Variants in SEMA3E observed in about 807,000 individuals in gnomAD.
SEMA3E encodes the protein semaphorin 3E.
A neutral mutation model predicts 93.6 loss-of-function variants in SEMA3E; 49 were observed. That is an observed-to-expected ratio of 0.52 (90% CI 0.42 to 0.66). The LOEUF (loss-of-function observed/expected upper bound fraction) is 0.66, where lower values mean the gene tolerates loss of function less well. Ranked by LOEUF, SEMA3E falls within the 30% of genes least tolerant of loss-of-function variation. The pLI is 0.00. For synonymous variants in SEMA3E, 363 were observed against 330.7 expected, an observed-to-expected ratio of 1.10 and a Z score of -1.06; for missense variants, 906 against 964.8, an observed-to-expected ratio of 0.94 and a Z score of 0.81.
chr7:83,416,367 T>G (rs1033741469), intron 5 of SEMA3E, among the ~76,000 whole-genome samples: 1 of 152,064 alleles, frequency 6.6e-6, no homozygotes, highest in African/African-American at 2.4e-5. Context: ...GAAACTCACT[T>G]AGAAATGTCC....
chr7:83,425,796 T>A (rs1300060199), intron 4 of SEMA3E, among the ~76,000 whole-genome samples: 1 of 152,118 alleles, frequency 6.6e-6, no homozygotes, highest in Non-Finnish European at 1.5e-5. Flanking sequence ...CAACAGAGTA[T>A]GGACAACCTG....
chr7:83,414,817 T>C (rs1272067760), intron 5 of SEMA3E, among the ~76,000 whole-genome samples: 2 of 152,054 alleles, frequency 1.3e-5, no homozygotes, highest in Non-Finnish European at 2.9e-5. Flanking sequence ...ACATGTGTCT[T>C]ATCATACCTT....
At chr7:83,575,332 T>C (rs1733344037) in intron 1 of SEMA3E, among the ~76,000 whole-genome samples, 1 of 151,568 alleles carries the variant, frequency 6.6e-6, no homozygotes, top group Non-Finnish European at 1.5e-5. Flanking sequence ...AATTAAAGAT[T>C]AGGCATTATA....
intron 4 of SEMA3E, among the ~76,000 whole-genome samples, chr7:83,444,762 C>G (rs992058164): frequency 2.6e-5 from 4 of 151,164 alleles, no homozygotes; most frequent in Admixed American, 2.6e-4. Context: ...ACTCCGCCTC[C>G]GGGGTTCAAG....
chr7:83,508,966 G>T (rs991405930), intron 1 of SEMA3E, among the ~76,000 whole-genome samples: 4 of 152,238 alleles, frequency 2.6e-5, no homozygotes, highest in African/African-American at 9.6e-5. Flanking sequence ...GTTTTCAGTA[G>T]GGTTTAATCT....
chr7:83,551,979 T>C (rs991126422), intron 1 of SEMA3E, among the ~76,000 whole-genome samples: 22 of 152,300 alleles, frequency 1.4e-4, no homozygotes, highest in Admixed American at 1.4e-3. Flanking sequence ...TTAGACATAT[T>C]TTTAATTGTC....
chr7:83,454,269 A>AT (rs1562789402), intron 4 of SEMA3E, among the ~76,000 whole-genome samples: 16 of 102,672 alleles, frequency 1.6e-4, no homozygotes, highest in African/African-American at 6.1e-4. Context: ...AAAAAAAAAA[A>AT]AAAATATATA....
intron 1 of SEMA3E, among the ~76,000 whole-genome samples, chr7:83,536,027 T>C (rs891581767): frequency 6.6e-6 from 1 of 152,178 alleles, no homozygotes; most frequent in Non-Finnish European, 1.5e-5. Context: ...TATACACCAA[T>C]GATGGAATCT....
At chr7:83,413,615 G>A (rs113207638) in intron 5 of SEMA3E, among the ~76,000 whole-genome samples, 8 of 152,262 alleles carry the variant, frequency 5.3e-5, no homozygotes, top group African/African-American at 1.9e-4. Context: ...ATTCTGCTTA[G>A]GATGCTGAAA....
intron 1 of SEMA3E, among the ~76,000 whole-genome samples, chr7:83,517,401 AG>A (rs1270308178): frequency 6.6e-6 from 1 of 152,176 alleles, no homozygotes; most frequent in Non-Finnish European, 1.5e-5. Flanking sequence ...GGAGAAGAAA[AG>A]GTATTCACAT....
At chr7:83,609,125 T>A (rs1793192534) in intron 1 of SEMA3E, among the ~76,000 whole-genome samples, 1 of 152,108 alleles carries the variant, frequency 6.6e-6, no homozygotes, top group Non-Finnish European at 1.5e-5. Flanking sequence ...AATAATGTTT[T>A]AACCTCTACT....
intron 16 of SEMA3E, among the ~76,000 whole-genome samples, chr7:83,377,655 A>C (rs1047379983): frequency 6.6e-6 from 1 of 152,036 alleles, no homozygotes; most frequent in Non-Finnish European, 1.5e-5. Context: ...AAGACAGAAC[A>C]TTTAAAATGT....
At chr7:83,425,545 ATCAT>A (rs1385088507) in intron 4 of SEMA3E, among the ~76,000 whole-genome samples, 2 of 152,202 alleles carry the variant, frequency 1.3e-5, no homozygotes, top group African/African-American at 4.8e-5. Flanking sequence ...CTGGTTAAAA[ATCAT>A]TCATTGACTA....
At chr7:83,566,498 T>C (rs998624576) in intron 1 of SEMA3E, among the ~76,000 whole-genome samples, 3 of 152,188 alleles carry the variant, frequency 2.0e-5, no homozygotes, top group African/African-American at 7.2e-5. Flanking sequence ...CAATTTTTAA[T>C]ATGACCTAAT....
chr7:83,395,346 G>A (rs1465588282), intron 12 of SEMA3E, among the ~76,000 whole-genome samples: 1 of 152,144 alleles, frequency 6.6e-6, no homozygotes, highest in East Asian at 1.9e-4. Flanking sequence ...AAGGCAAAAT[G>A]TACTGCTTCT....
At chr7:83,373,012 A>C (rs753945798) in intron 16 of SEMA3E, 3 of 152,134 alleles carry the variant, frequency 2.0e-5, no homozygotes, top group Non-Finnish European at 4.4e-5. Context: ...TTTCTCTGTC[A>C]AGAAGATAGT....
At chr7:83,475,465 T>C (rs1427272376) in intron 2 of SEMA3E, among the ~76,000 whole-genome samples, 4 of 152,144 alleles carry the variant, frequency 2.6e-5, no homozygotes. Flanking sequence ...GATCTCCCCC[T>C]AGACAAAGTT....
At chr7:83,413,749 G>A (rs1562771227) in intron 5 of SEMA3E, among the ~76,000 whole-genome samples, 1 of 151,986 alleles carries the variant, frequency 6.6e-6, no homozygotes. Context: ...TTAAGAAGGT[G>A]GTTTTGAGGC....
chr7:83,412,112 T>C (rs1788449437), intron 5 of SEMA3E, among the ~76,000 whole-genome samples: 1 of 152,184 alleles, frequency 6.6e-6, no homozygotes, highest in Non-Finnish European at 1.5e-5. Context: ...TTATGTTCTC[T>C]CTGCTCTTTG....
Sources: gnomAD v4.1 joint callset for allele counts (sites outside exome capture counted in the v4.1 genomes callset) on GRCh38, gnomAD v4.1.1 for gene constraint, MANE v1.5 for transcripts, NCBI Gene and HGNC (gene_info 2026-07-23, HGNC 2026-07-21) for gene names.